Variants in SMARCAL1 observed in about 807,000 individuals in gnomAD.
SMARCAL1 encodes the protein SNF2 related chromatin remodeling annealing helicase 1.
In SMARCAL1, 58 loss-of-function variants were observed where a neutral mutation model predicts 94.5. The ratio of observed to expected loss-of-function variants is 0.61; its 90% CI spans 0.50 to 0.76. SMARCAL1 has a LOEUF of 0.76. SMARCAL1 is among the 30% of genes least tolerant of loss of function. SMARCAL1 has a pLI of 0.00. For missense variants in SMARCAL1, 1,051 were observed against 1,177.9 expected, an observed-to-expected ratio of 0.89 and a Z score of 1.58; for synonymous variants, 422 against 455.1, an observed-to-expected ratio of 0.93 and a Z score of 0.93.
chr2:216,445,339 C>T (rs1694286221), intron 10 of SMARCAL1, among the ~76,000 whole-genome samples: 1 of 152,126 alleles, frequency 6.6e-6, no homozygotes, highest in Non-Finnish European at 1.5e-5. Context: ...TGGACTTTTT[C>T]TTTTTTTGTA....
chr2:216,420,916 G>A (rs748070964), intron 5 of SMARCAL1, among the ~76,000 whole-genome samples: 10 of 152,174 alleles, frequency 6.6e-5, no homozygotes, highest in Non-Finnish European at 1.2e-4. Flanking sequence ...TTTCAAACTT[G>A]AGCCTGCAGG....
At chr2:216,426,534 A>G (rs1188502116) in intron 6 of SMARCAL1, among the ~76,000 whole-genome samples, 3 of 152,220 alleles carry the variant, frequency 2.0e-5, no homozygotes, top group Non-Finnish European at 4.4e-5. Context: ...CTGCTATCTC[A>G]TCATGACAGT....
intron 12 of SMARCAL1, among the ~76,000 whole-genome samples, chr2:216,454,150 A>G (rs1278921128): frequency 2.6e-5 from 4 of 152,214 alleles, no homozygotes; most frequent in Non-Finnish European, 5.9e-5. Context: ...ACTCCATTGG[A>G]TCTAATTTAA....
chr2:216,456,861 A>G (rs1459121059), intron 12 of SMARCAL1, among the ~76,000 whole-genome samples: 4 of 152,236 alleles, frequency 2.6e-5, no homozygotes, highest in Non-Finnish European at 5.9e-5. Flanking sequence ...CCTTAAATGT[A>G]GATGGGCTAA....
At chr2:216,431,034 C>T (rs1004343946) in intron 7 of SMARCAL1, among the ~76,000 whole-genome samples, 6 of 152,226 alleles carry the variant, frequency 3.9e-5, no homozygotes, top group Non-Finnish European at 7.3e-5. Flanking sequence ...AGGGTGAGGC[C>T]GCCAAAGCTG....
At chr2:216,469,605 A>G (rs1335648737) in intron 14 of SMARCAL1, among the ~76,000 whole-genome samples, 1 of 152,182 alleles carries the variant, frequency 6.6e-6, no homozygotes, top group Non-Finnish European at 1.5e-5. Context: ...GTGGAATTGT[A>G]TCTCATTGGA....
At chr2:216,469,260 A>G (rs1385339643) in intron 14 of SMARCAL1, among the ~76,000 whole-genome samples, 2 of 147,452 alleles carry the variant, frequency 1.4e-5, no homozygotes, top group African/African-American at 5.0e-5. Context: ...CTTTTTTCTC[A>G]GCATTGTTTT....
intron 12 of SMARCAL1, among the ~76,000 whole-genome samples, chr2:216,452,122 G>A (rs1431818571): frequency 6.6e-6 from 1 of 152,186 alleles, no homozygotes; most frequent in East Asian, 1.9e-4. Context: ...TGGATGGTCT[G>A]GAGTAAGTGA....
At chr2:216,420,688 T>C (rs142160280) in intron 5 of SMARCAL1, among the ~76,000 whole-genome samples, 156 bp downstream of exon 5, 180 of 152,326 alleles carry the variant, frequency 1.2e-3, no homozygotes, top group African/African-American at 4.2e-3. Flanking sequence ...ACGTTAATTG[T>C]TCCAGATAGT....
At chr2:216,466,230 T>A (rs1694826858) in intron 13 of SMARCAL1, among the ~76,000 whole-genome samples, 1 of 152,196 alleles carries the variant, frequency 6.6e-6, no homozygotes, top group African/African-American at 2.4e-5. Context: ...TTTTAAGTCT[T>A]TCTACCACCT....
rs747775289 is a variant in SMARCAL1, at chr2:216,415,231, C to T, written c.527C>T (p.Thr176Ile). ...GCCAAACCAAAGAGTTCCCAAGAGA[C>T]ACCAGCTCATTCCTCTGGACAGCCT... ...PLAKPKSSQETPAHSSGQPPR... is the reference protein window; with the variant it reads ...PLAKPKSSQEIPAHSSGQPPR... Residue 176 changes from threonine (T) to isoleucine (I), a missense_variant, in exon 3 of 18, where the codon ACA becomes ATA. Coordinates refer to ENST00000357276, the MANE Select transcript of SMARCAL1 (RefSeq NM_014140.4). 20 of 1,614,136 alleles carry T rather than the reference C, an allele frequency of 1.2e-5. No individual in the cohort carries two copies. Among genetic ancestry groups the T allele is most frequent in the Non-Finnish European group, 1.6e-5 (19 of 1,180,060 alleles).
At chr2:216,443,464 G>A (rs781300239) in intron 10 of SMARCAL1, among the ~76,000 whole-genome samples, 1 of 151,016 alleles carries the variant, frequency 6.6e-6, no homozygotes, top group South Asian at 2.1e-4. Context: ...GGTATTTTTG[G>A]TCCAATATAC....
At chr2:216,451,223 C>T in intron 12 of SMARCAL1, 159 bp downstream of exon 12, 1 of 690,104 alleles carries the variant, frequency 1.4e-6, no homozygotes. Flanking sequence ...CATTCCTCAG[C>T]CTACCTAGTC....
At position 216,414,764 on chromosome 2, in the gene SMARCAL1, T is replaced by C. The variant is rs1185743249; in HGVS notation, c.60T>C (p.Ala20=). 2 of 1,614,066 alleles carry C rather than the reference T, an allele frequency of 1.2e-6. No homozygotes were observed. The highest frequency in any genetic ancestry group is 1.7e-6 in the Non-Finnish European group (2 of 1,180,046). ...AGATTGAAGAGAATCGACAAAAGGC[T>C]CTGGCCCGCAGAGCTGAGAAGTTAT... The part of the protein sequence containing the change: ...RKKIEENRQK[A]LARRAEKLLA... The change falls in exon 3 of 18, where the codon GCT becomes GCC. Residue 20 remains alanine, a synonymous_variant. Transcript: ENST00000357276.
intron 17 of SMARCAL1, among the ~76,000 whole-genome samples, chr2:216,481,217 G>C (rs1020832491): frequency 3.9e-5 from 6 of 151,994 alleles, no homozygotes; most frequent in Admixed American, 3.9e-4. Flanking sequence ...TTTAGAGACA[G>C]GGTCTCACTC....
intron 4 of SMARCAL1, among the ~76,000 whole-genome samples, chr2:216,418,034 C>A (rs1693639641): frequency 6.6e-6 from 1 of 152,128 alleles, no homozygotes; most frequent in South Asian, 2.1e-4. Context: ...GATTCTCCTG[C>A]CTCAGCCTCC....
intron 17 of SMARCAL1, among the ~76,000 whole-genome samples, chr2:216,481,724 C>T (rs1695205312): frequency 6.6e-6 from 1 of 151,968 alleles, no homozygotes; most frequent in African/African-American, 2.4e-5. Flanking sequence ...AGGCTGGTCT[C>T]GAACTCCTGA....
At chr2:216,473,873 C>T (rs939745305) in intron 14 of SMARCAL1, among the ~76,000 whole-genome samples, 2 of 152,074 alleles carry the variant, frequency 1.3e-5, no homozygotes, top group African/African-American at 4.8e-5. Context: ...CTTAGGTTAA[C>T]AGAAAAACTT....
intron 5 of SMARCAL1, among the ~76,000 whole-genome samples, chr2:216,421,477 T>C (rs1693719474): frequency 6.6e-6 from 1 of 152,124 alleles, no homozygotes; most frequent in African/African-American, 2.4e-5. Flanking sequence ...TTTGTATTTT[T>C]AGTAGAAGTA....
Sources: gnomAD v4.1 joint callset for allele counts (sites outside exome capture counted in the v4.1 genomes callset) on GRCh38, gnomAD v4.1.1 for gene constraint, MANE v1.5 for transcripts, NCBI Gene and HGNC (gene_info 2026-07-23, HGNC 2026-07-21) for gene names.